Variants in ZFHX3 observed in about 807,000 individuals in gnomAD.
ZFHX3 encodes zinc finger homeobox 3, also known as zinc finger homeobox protein 3.
ZFHX3 carries 42 observed loss-of-function variants against 279.1 expected under a neutral mutation model. The observed-to-expected ratio is 0.15, with a 90% CI of 0.12 to 0.19. The LOEUF is 0.19. Among genes scored for constraint, ZFHX3 ranks in the 10% least tolerant of loss-of-function variants. The probability of loss-of-function intolerance (pLI) is 1.00; values close to 1 mark genes in which losing one functional copy is unlikely to be tolerated. For missense variants in ZFHX3, 4,981 were observed against 4,754.0 expected (o/e 1.05, Z -1.40); for synonymous variants, 2,293 against 1,957.8 (o/e 1.17, Z -4.52).
At chr16:72,953,747 A>G (rs142337524) in intron 2 of ZFHX3, among the ~76,000 whole-genome samples, 19 of 152,248 alleles carry the variant, frequency 1.2e-4, no homozygotes, top group Admixed American at 3.9e-4. Context: ...CGTCTGGCTG[A>G]TCTTAAAACA....
chr16:73,815,073 G>A (rs1329559546), intron 1 of ZFHX3, among the ~76,000 whole-genome samples: 7 of 152,182 alleles, frequency 4.6e-5, no homozygotes, highest in Admixed American at 2.6e-4. Context: ...TGTAACTTAC[G>A]GATGTAAACA....
intron 1 of ZFHX3, among the ~76,000 whole-genome samples, chr16:73,759,807 C>T (rs186064055): frequency 8.6e-5 from 13 of 150,996 alleles, no homozygotes; most frequent in East Asian, 2.0e-4. Flanking sequence ...AAAGGGAGAA[C>T]GAGTCCATTT....
intron 1 of ZFHX3, among the ~76,000 whole-genome samples, chr16:73,791,014 G>T (rs1959807263): frequency 6.6e-6 from 1 of 152,016 alleles, no homozygotes; most frequent in Non-Finnish European, 1.5e-5. Flanking sequence ...GCCCAGGCTG[G>T]AGTGCAGCGG....
chr16:72,908,011 C>A (rs999695144), intron 3 of ZFHX3, among the ~76,000 whole-genome samples: 1 of 152,094 alleles, frequency 6.6e-6, no homozygotes, highest in African/African-American at 2.4e-5. Context: ...ATCCTCCTTT[C>A]TAAGCATCTC....
At chr16:73,838,933 T>C (rs1266728491) in intron 1 of ZFHX3, among the ~76,000 whole-genome samples, 1 of 152,076 alleles carries the variant, frequency 6.6e-6, no homozygotes, top group Non-Finnish European at 1.5e-5. Flanking sequence ...AGGAGGAATC[T>C]AAAGCTCAAA....
At chr16:73,596,815 G>C (rs1040014034) in intron 2 of ZFHX3, among the ~76,000 whole-genome samples, 1 of 152,126 alleles carries the variant, frequency 6.6e-6, no homozygotes, top group African/African-American at 2.4e-5. Flanking sequence ...TTTCAGATCT[G>C]CTATAGTCCT....
exon 1 of ZFHX3, chr16:73,058,613 C>G (rs911637536): frequency 1.3e-5 from 3 of 232,936 alleles, no homozygotes; most frequent in Admixed American, 5.9e-5. Flanking sequence ...CTTTTAATCC[C>G]GAAAAGAGGC....
chr16:73,334,810 C>CTTTTTTTTTTCTTTTT (rs2015878680), intron 3 of ZFHX3, among the ~76,000 whole-genome samples: 1 of 57,858 alleles, frequency 1.7e-5, no homozygotes, highest in Non-Finnish European at 3.4e-5. Flanking sequence ...CTTTCTCATT[C>CTTTTTTTTTTCTTTTT]TTTTTTTTTT....
intron 5 of ZFHX3, among the ~76,000 whole-genome samples, chr16:73,175,876 T>C (rs1452294435): frequency 6.6e-6 from 1 of 152,202 alleles, no homozygotes; most frequent in Non-Finnish European, 1.5e-5. Flanking sequence ...TTTTCCAACT[T>C]GGGATGACAA....
chr16:72,836,524 T>C (rs1379028640), intron 4 of ZFHX3, among the ~76,000 whole-genome samples: 3 of 152,124 alleles, frequency 2.0e-5, no homozygotes, highest in Non-Finnish European at 4.4e-5. Context: ...TTACCACAAA[T>C]ACAAATTGTT....
chr16:72,899,946 C>T (rs1217362369), intron 3 of ZFHX3, among the ~76,000 whole-genome samples: 1 of 152,156 alleles, frequency 6.6e-6, no homozygotes, highest in Non-Finnish European at 1.5e-5. Context: ...AACCCTCACT[C>T]CTCCCCAGGC....
In ZFHX3 at chr16:73,115,251, G is replaced by A. The variant is rs573436622; in HGVS notation, c.-897+15717C>T. 3.3e-5 allele frequency among the ~76,000 whole-genome samples: 5 copies of A among 151,900 alleles called. No homozygotes were observed. In the South Asian group the frequency reaches 8.3e-4, roughly 25 times the overall value. ...AGGTCTACCACTGCCCCAAGATTAC[G>A]GGGTCCAGGCCAGGCGTGATGGCTC... On this transcript the variant is annotated intron_variant, in intron 7 of 17. Transcript: ENST00000641206.
At chr16:73,803,300 T>C (rs1000792275) in intron 1 of ZFHX3, among the ~76,000 whole-genome samples, 1 of 152,222 alleles carries the variant, frequency 6.6e-6, no homozygotes, top group Admixed American at 6.5e-5. Flanking sequence ...TGTTGAGGTA[T>C]GTTCAGTTGA....
intron 1 of ZFHX3, among the ~76,000 whole-genome samples, chr16:73,779,779 G>T (rs781375046): frequency 2.0e-5 from 3 of 152,038 alleles, no homozygotes; most frequent in Non-Finnish European, 2.9e-5. Flanking sequence ...GGGCAATAGC[G>T]CAATCTCGGC....
At chr16:72,937,826 G>A (rs1242387564) in intron 3 of ZFHX3, among the ~76,000 whole-genome samples, 2 of 152,158 alleles carry the variant, frequency 1.3e-5, no homozygotes, top group African/African-American at 2.4e-5. Flanking sequence ...TCCTATGCAC[G>A]ACTTTTTCAG....
At chr16:73,134,970 C>T (rs376985910) in intron 6 of ZFHX3, among the ~76,000 whole-genome samples, 1 of 152,148 alleles carries the variant, frequency 6.6e-6, no homozygotes, top group South Asian at 2.1e-4. Flanking sequence ...ATGCAATCAA[C>T]CTGTGTTGAT....
At chr16:73,349,364 G>A (rs975117985) in intron 3 of ZFHX3, among the ~76,000 whole-genome samples, 3 of 152,150 alleles carry the variant, frequency 2.0e-5, no homozygotes, top group Non-Finnish European at 4.4e-5. Context: ...CTCTAACCAA[G>A]TGCACAGTCA....
At chr16:73,190,244 G>A (rs765710528) in intron 5 of ZFHX3, among the ~76,000 whole-genome samples, 4 of 152,238 alleles carry the variant, frequency 2.6e-5, no homozygotes, top group Non-Finnish European at 5.9e-5. Context: ...TTTTGGAAGT[G>A]GCTGTGTGGG....
chr16:73,687,535 G>A (rs974505152), intron 1 of ZFHX3, among the ~76,000 whole-genome samples: 2 of 151,990 alleles, frequency 1.3e-5, no homozygotes, highest in African/African-American at 4.8e-5. Flanking sequence ...GCCATCATTA[G>A]CATCCTCTTA....
Sources: allele counts gnomAD v4.1 joint callset (sites outside exome capture counted in the v4.1 genomes callset), GRCh38; gene constraint gnomAD v4.1.1; transcripts MANE v1.5; gene names NCBI Gene and HGNC (gene_info 2026-07-23, HGNC 2026-07-21).